The following WWOX variants were observed in gnomAD, a reference collection of about 807,000 sequenced individuals.
WWOX encodes the protein WW domain-containing oxidoreductase.
In WWOX, 69 loss-of-function variants were observed where a neutral mutation model predicts 46.2. The observed-to-expected ratio is 1.49, with a 90% CI of 1.23 to 1.82. The LOEUF (loss-of-function observed/expected upper bound fraction) is 1.82. Among genes scored for constraint, WWOX ranks in the 40% most tolerant of loss-of-function variants. The pLI is 0.00. For synonymous variants in WWOX, 359 were observed against 202.6 expected (o/e 1.77, Z -6.56); for missense variants, 919 against 542.6 (o/e 1.69, Z -6.89).
At chr16:78,842,713 A>T (rs1423641756) in intron 8 of WWOX, among the ~76,000 whole-genome samples, 1 of 152,120 alleles carries the variant, frequency 6.6e-6, no homozygotes, top group African/African-American at 2.4e-5. Context: ...GAAGTAAAAA[A>T]AATCAACTCA....
intron 3 of WWOX, among the ~76,000 whole-genome samples, chr16:78,112,406 C>T (rs534333935): frequency 6.6e-6 from 1 of 151,732 alleles, no homozygotes; most frequent in African/African-American, 2.4e-5. Context: ...GTTACAGTAA[C>T]AAGTTCAAAT....
At chr16:78,543,962 A>T (rs1033953411) in intron 8 of WWOX, among the ~76,000 whole-genome samples, 1 of 152,200 alleles carries the variant, frequency 6.6e-6, no homozygotes, top group African/African-American at 2.4e-5. Context: ...AGAGGTTATG[A>T]TTAGAATACT....
In WWOX at chr16:78,686,367, C is replaced by T. The variant is rs536196155; in HGVS notation, c.1056+253615C>T. On this transcript the variant is annotated intron_variant, in intron 8 of 8. Coordinates refer to ENST00000566780, the MANE Select transcript of WWOX (RefSeq NM_016373.4). ...TCTACTAAAAATACAAAAAATTAGC[C>T]AGGCGTGGTGGCGGGCGCCTGTAGT... Among the ~76,000 whole-genome samples the T allele has an allele frequency of 2.6e-5, 4 of 152,054 alleles. No individual in the cohort carries two copies. The East Asian group carries it at 7.7e-4, about 29-fold the overall frequency.
At chr16:78,726,752 G>C (rs945874547) in intron 8 of WWOX, among the ~76,000 whole-genome samples, 2 of 151,878 alleles carry the variant, frequency 1.3e-5, no homozygotes, top group African/African-American at 4.8e-5. Flanking sequence ...GGGATGCTGT[G>C]GTTGAATTTC....
Position 79,047,425 on chromosome 16 carries a change from T to A in WWOX, c.1057-164183T>A, listed in dbSNP as rs113975391. 6.6e-5 allele frequency among the ~76,000 whole-genome samples: 10 copies of A among 152,318 alleles called. 1 individual carries two copies. Among genetic ancestry groups the A allele is most frequent in the African/African-American group, 2.4e-4 (10 of 41,578 alleles). ...ATCCATTGGTTAATTGATTAATTGATTGATCGACTGAGGAATGTCAGCCTG... is the reference window on the plus strand; with the variant it reads ...ATCCATTGGTTAATTGATTAATTGAATGATCGACTGAGGAATGTCAGCCTG... On this transcript the variant is annotated intron_variant, in intron 8 of 8. Transcript: ENST00000566780.
chr16:79,196,919 A>G (rs1265952327), intron 8 of WWOX, among the ~76,000 whole-genome samples: 2 of 152,222 alleles, frequency 1.3e-5, no homozygotes, highest in African/African-American at 2.4e-5. Context: ...CACCCTGAGC[A>G]TCTTTCAATT....
intron 5 of WWOX, among the ~76,000 whole-genome samples, chr16:78,219,608 G>C (rs953138670): frequency 1.3e-5 from 2 of 151,942 alleles, no homozygotes; most frequent in East Asian, 3.9e-4. Context: ...TTTTTAACTC[G>C]GTGAGTCTCA....
At position 78,776,225 on chromosome 16, in the gene WWOX, G is replaced by A. The variant is rs192439612; in HGVS notation, c.1056+343473G>A. 7.2e-3 allele frequency among the ~76,000 whole-genome samples: 1,103 copies of A among 152,192 alleles called. 3 individuals carry two copies. The highest frequency in any genetic ancestry group is 0.011 in the Non-Finnish European group (715 of 68,006). On this transcript the variant is annotated intron_variant, in intron 8 of 8. Transcript: ENST00000566780. ...TCTAGAAACAACTTTTGTGTCTAAG[G>A]ATTGTGGGTGAACAACAGCAGCACA...
intron 8 of WWOX, among the ~76,000 whole-genome samples, chr16:79,097,392 G>C (rs565941334): frequency 6.7e-6 from 1 of 149,744 alleles, no homozygotes; most frequent in Admixed American, 6.7e-5. Flanking sequence ...GCCCATGGCA[G>C]AAGAGTCTAG....
chr16:78,426,817 C>T (rs1204796459), intron 7 of WWOX, among the ~76,000 whole-genome samples: 1 of 152,138 alleles, frequency 6.6e-6, no homozygotes, highest in African/African-American at 2.4e-5. Context: ...GCGCTTGCCA[C>T]CACACCTGGC....
chr16:79,102,562 GA>G (rs1231662603), intron 8 of WWOX, among the ~76,000 whole-genome samples: 1 of 152,158 alleles, frequency 6.6e-6, no homozygotes, highest in African/African-American at 2.4e-5. Flanking sequence ...ATCATACTTT[GA>G]AGCTCAATAT....
chr16:78,512,385 G>T (rs1000586413), intron 8 of WWOX, among the ~76,000 whole-genome samples: 2 of 152,116 alleles, frequency 1.3e-5, no homozygotes, highest in Non-Finnish European at 2.9e-5. Flanking sequence ...ATTTGTAAGA[G>T]GTTTGAGGGA....
chr16:78,169,000 C>T (rs369957837), intron 5 of WWOX, among the ~76,000 whole-genome samples: 1 of 152,018 alleles, frequency 6.6e-6, no homozygotes, highest in Non-Finnish European at 1.5e-5. Flanking sequence ...CTTAAAAGGC[C>T]AATCCATTTG....
intron 5 of WWOX, among the ~76,000 whole-genome samples, chr16:78,331,097 C>G (rs79178821): frequency 1.3e-5 from 2 of 152,004 alleles, no homozygotes; most frequent in Non-Finnish European, 2.9e-5. Context: ...AGATTTTTTT[C>G]AAAGTCTGTT....
Position 78,624,766 on chromosome 16 carries a change from G to A in WWOX, c.1056+192014G>A, listed in dbSNP as rs565904316. On this transcript the variant is annotated intron_variant, in intron 8 of 8. Coordinates refer to ENST00000566780, the MANE Select transcript of WWOX (RefSeq NM_016373.4). The stretch of plus-strand genomic sequence containing the variant: ...GCACCCTGGCTGGAAATTATTTATT[G>A]CAGAACGACACAATGGTGAACGAGA... Among the ~76,000 whole-genome samples, 9 of 152,264 alleles carry A rather than the reference G, an allele frequency of 5.9e-5. No individual in the cohort carries two copies. The East Asian group carries it at 1.7e-3, about 29-fold the overall frequency.
At chr16:78,930,574 G>T (rs1351296095) in intron 8 of WWOX, among the ~76,000 whole-genome samples, 1 of 149,910 alleles carries the variant, frequency 6.7e-6, no homozygotes, top group Non-Finnish European at 1.5e-5. Context: ...CACAGGCATA[G>T]GCTGCTGCAC....
chr16:78,574,488 T>A (rs576355247), intron 8 of WWOX, among the ~76,000 whole-genome samples: 4 of 152,262 alleles, frequency 2.6e-5, no homozygotes, highest in Non-Finnish European at 5.9e-5. Flanking sequence ...AAGTTGTCGG[T>A]GGTTGCTTCC....
At chr16:78,625,315 C>T (rs926497529) in intron 8 of WWOX, among the ~76,000 whole-genome samples, 3 of 152,162 alleles carry the variant, frequency 2.0e-5, no homozygotes, top group Non-Finnish European at 2.9e-5. Flanking sequence ...GGAGGAATCC[C>T]TGGAGCCTCC....
chr16:78,594,523 A>T (rs976082018), intron 8 of WWOX, among the ~76,000 whole-genome samples: 1 of 143,828 alleles, frequency 7.0e-6, no homozygotes, highest in African/African-American at 2.6e-5. Flanking sequence ...CTAGGTACAA[A>T]TCCCACATGA....
Sources: allele counts gnomAD v4.1 joint callset (sites outside exome capture counted in the v4.1 genomes callset), GRCh38; gene constraint gnomAD v4.1.1; transcripts MANE v1.5; gene names NCBI Gene and HGNC (gene_info 2026-07-23, HGNC 2026-07-21).